Variants in KHDRBS3 observed in about 807,000 individuals in gnomAD.
The protein encoded by KHDRBS3 is KH domain-containing, RNA-binding, signal transduction-associated protein 3.
Under a neutral mutation model 45.6 loss-of-function variants are expected in KHDRBS3, and 23 were observed. That is an observed-to-expected ratio of 0.50 (90% CI 0.36 to 0.72). The LOEUF is 0.72. Ranked by LOEUF, KHDRBS3 falls within the 30% of genes least tolerant of loss-of-function variation. The pLI, the probability that KHDRBS3 is intolerant of heterozygous loss-of-function variation, is 0.00. For synonymous variants in KHDRBS3, 162 were observed against 156.5 expected, an observed-to-expected ratio of 1.04 and a Z score of -0.26; for missense variants, 352 against 424.8, an observed-to-expected ratio of 0.83 and a Z score of 1.51.
chr8:135,570,299 C>A (rs931409590), intron 5 of KHDRBS3, among the ~76,000 whole-genome samples: 2 of 151,998 alleles, frequency 1.3e-5, no homozygotes, highest in African/African-American at 4.8e-5. Context: ...AGAAAAGTTA[C>A]AAGATATTAT....
At chr8:135,469,094 G>A (rs947643583) in intron 1 of KHDRBS3, among the ~76,000 whole-genome samples, 2 of 152,216 alleles carry the variant, frequency 1.3e-5, no homozygotes, top group African/African-American at 4.8e-5. Flanking sequence ...CAGCTGAGAG[G>A]CACGACTCCA....
At chr8:135,643,051 C>T (rs1831132088) in intron 7 of KHDRBS3, among the ~76,000 whole-genome samples, 1 of 152,126 alleles carries the variant, frequency 6.6e-6, no homozygotes, top group Non-Finnish European at 1.5e-5. Context: ...CCTCAGCCTC[C>T]CAAAGTGCTG....
intron 6 of KHDRBS3, among the ~76,000 whole-genome samples, chr8:135,603,798 A>G (rs2131013978): frequency 6.6e-6 from 1 of 152,260 alleles, no homozygotes; most frequent in Middle Eastern, 3.4e-3. Context: ...CTGTAGCTTT[A>G]TAGTAAATTC....
chr8:135,504,103 C>G (rs1441270275), intron 1 of KHDRBS3, among the ~76,000 whole-genome samples: 1 of 152,124 alleles, frequency 6.6e-6, no homozygotes, highest in Non-Finnish European at 1.5e-5. Context: ...TTCTCAGTGT[C>G]ATACTGTAAG....
chr8:135,571,657 T>TA (rs1827708388), intron 5 of KHDRBS3, among the ~76,000 whole-genome samples: 1 of 152,006 alleles, frequency 6.6e-6, no homozygotes, highest in Non-Finnish European at 1.5e-5. Flanking sequence ...TCAGATGGGA[T>TA]AGTGCTGGCG....
intron 1 of KHDRBS3, among the ~76,000 whole-genome samples, chr8:135,467,400 G>C (rs1821751344): frequency 2.0e-5 from 3 of 152,214 alleles, no homozygotes; most frequent in South Asian, 4.1e-4. Flanking sequence ...CTCATCTACA[G>C]TTCACATGCT....
chr8:135,592,986 G>T (rs1828817024), intron 6 of KHDRBS3, among the ~76,000 whole-genome samples: 1 of 152,088 alleles, frequency 6.6e-6, no homozygotes, highest in South Asian at 2.1e-4. Flanking sequence ...TTTGCTTGAG[G>T]CCAGGAGTTC....
At chr8:135,470,008 ATTTTTAT>A (rs761489394) in intron 1 of KHDRBS3, among the ~76,000 whole-genome samples, 1 of 152,230 alleles carries the variant, frequency 6.6e-6, no homozygotes, top group Non-Finnish European at 1.5e-5. Flanking sequence ...TACTGCTTAA[ATTTTTAT>A]TTAATTTCAA....
At chr8:135,474,868 C>T (rs145186220) in intron 1 of KHDRBS3, among the ~76,000 whole-genome samples, 53 of 152,166 alleles carry the variant, frequency 3.5e-4, no homozygotes, top group Middle Eastern at 3.4e-3. Flanking sequence ...GCTCATGTTA[C>T]GGTGTGGGCG....
intron 5 of KHDRBS3, among the ~76,000 whole-genome samples, chr8:135,563,554 T>G (rs533965512): frequency 5.3e-5 from 8 of 152,344 alleles, no homozygotes; most frequent in African/African-American, 1.9e-4. Context: ...TTATTCCTTA[T>G]GGGTAATGCA....
chr8:135,556,115 T>A (rs927212110), intron 4 of KHDRBS3, among the ~76,000 whole-genome samples: 13 of 152,244 alleles, frequency 8.5e-5, no homozygotes, highest in Admixed American at 3.9e-4. Context: ...TGTGCCACAT[T>A]TTCTTAATCC....
At chr8:135,519,708 G>A (rs1043780116) in intron 1 of KHDRBS3, among the ~76,000 whole-genome samples, 3 of 152,186 alleles carry the variant, frequency 2.0e-5, no homozygotes, top group Non-Finnish European at 4.4e-5. Context: ...GATCTGAGAC[G>A]AGAATCTAGA....
Position 135,642,395 on chromosome 8 carries a change from A to G in KHDRBS3, c.891-2664A>G, listed in dbSNP as rs937219780. Among the ~76,000 whole-genome samples, 14 of 152,222 alleles carry G rather than the reference A, an allele frequency of 9.2e-5. 1 individual carries two copies. Among genetic ancestry groups the G allele is most frequent in the Admixed American group, 2.6e-4 (4 of 15,282 alleles). ...TTTTAGATTAGGTGAGCTCATGCAC[A>G]TGAGAAGTTGTCAGTAGGGCAGTGG... On this transcript the variant is annotated intron_variant, in intron 7 of 8. Coordinates refer to ENST00000355849, the MANE Select transcript of KHDRBS3 (RefSeq NM_006558.3).
At chr8:135,619,817 A>T (rs1830065667) in intron 7 of KHDRBS3, among the ~76,000 whole-genome samples, 1 of 152,196 alleles carries the variant, frequency 6.6e-6, no homozygotes, top group South Asian at 2.1e-4. Flanking sequence ...CTTCTCCAGG[A>T]TAATGATTGC....
chr8:135,571,353 ATAGTTT>A (rs1376746563), intron 5 of KHDRBS3, among the ~76,000 whole-genome samples: 29 of 152,202 alleles, frequency 1.9e-4, no homozygotes, highest in Non-Finnish European at 3.2e-4. Flanking sequence ...AGAACTTGTA[ATAGTTT>A]TACTCAAAAC....
Position 135,481,981 on chromosome 8 carries a change from G to A in KHDRBS3, c.88+24027G>A, listed in dbSNP as rs147196150. Among the ~76,000 whole-genome samples the A allele has an allele frequency of 2.7e-4, 41 of 152,268 alleles. 1 individual carries two copies. The highest frequency in any genetic ancestry group is 1.9e-3 in the South Asian group (9 of 4,820). On this transcript the variant is annotated intron_variant, in intron 1 of 8. Coordinates refer to ENST00000355849, the MANE Select transcript of KHDRBS3 (RefSeq NM_006558.3). ...CTGAAGGTTTGGTTTTCCATTTCCC[G>A]TCCTGGTGTTTGGTTGCCTTTCAAA...
At chr8:135,486,385 T>C (rs1822865620) in intron 1 of KHDRBS3, among the ~76,000 whole-genome samples, 1 of 152,156 alleles carries the variant, frequency 6.6e-6, no homozygotes, top group South Asian at 2.1e-4. Context: ...CTACAAGTAG[T>C]AGTACGTTTT....
At chr8:135,648,477 T>C (rs1228180802), downstream of KHDRBS3, 1 of 152,250 alleles carries the variant, frequency 6.6e-6, no homozygotes. Flanking sequence ...AAATGTTTAA[T>C]TTTTATTTCT....
chr8:135,636,748 G>C (rs4909498), intron 7 of KHDRBS3, among the ~76,000 whole-genome samples: 59,845 of 152,066 alleles, frequency 0.39, 12,849 homozygotes, highest in South Asian at 0.53. Flanking sequence ...CATTGCCTGC[G>C]GTCACATGGA....
Sources: gnomAD v4.1 joint callset for allele counts (sites outside exome capture counted in the v4.1 genomes callset) on GRCh38, gnomAD v4.1.1 for gene constraint, MANE v1.5 for transcripts, NCBI Gene and HGNC (gene_info 2026-07-23, HGNC 2026-07-21) for gene names.